The following NIPSNAP3B variants were observed in gnomAD, a reference collection of about 807,000 sequenced individuals.
NIPSNAP3B encodes the protein nipsnap homolog 3B, also known as protein NipSnap homolog 3B.
NIPSNAP3B carries 30 observed loss-of-function variants against 31.5 expected under a neutral mutation model. The observed-to-expected ratio is 0.95, with a 90% CI of 0.71 to 1.29. The LOEUF (loss-of-function observed/expected upper bound fraction) is 1.29. Ranked by LOEUF, NIPSNAP3B falls within the 50% of genes most tolerant of loss-of-function variation. The probability of loss-of-function intolerance (pLI) is 0.00; values close to 1 mark genes in which losing one functional copy is unlikely to be tolerated. For synonymous variants in NIPSNAP3B, 106 were observed against 107.9 expected (o/e 0.98, Z 0.11); for missense variants, 269 against 300.7 (o/e 0.89, Z 0.78).
At chr9:104,788,306 T>C in the NIPSNAP3B span, 4 of 1,227,840 alleles carry the variant, frequency 3.3e-6, no homozygotes, top group African/African-American at 1.5e-5. Context: ...AGAACCAGCA[T>C]TTTGTGCTGC....
At chr9:104,781,403 A>T (rs780222954), downstream of NIPSNAP3B, 5 of 149,768 alleles carry the variant, frequency 3.3e-5, no homozygotes, top group Non-Finnish European at 7.4e-5. Flanking sequence ...TTACATTATT[A>T]CTAGTAGATA....
Position 104,775,137 on chromosome 9 carries a change from T to A in NIPSNAP3B, c.*2064T>A, listed in dbSNP as rs553359083. On this transcript the variant is annotated 3_prime_UTR_variant, in exon 6 of 6. Transcript: ENST00000374762. ...TTCCTGTCTCCTGAAGCCACAGTAT[T>A]CCCCTTCAACTGGATTCTTCTCCTC... 6.6e-6 allele frequency among the ~76,000 whole-genome samples: 1 copy of A among 151,968 alleles called. No homozygotes were observed. The highest frequency in any genetic ancestry group is 1.5e-5 in the Non-Finnish European group (1 of 67,990).
the NIPSNAP3B span, chr9:104,788,588 A>G: frequency 8.7e-6 from 14 of 1,613,840 alleles, no homozygotes; most frequent in East Asian, 2.7e-4. Context: ...CAAGAAAACT[A>G]CTTAGATTTT....
the NIPSNAP3B span, chr9:104,786,151 C>A: frequency 1.4e-6 from 1 of 704,000 alleles, no homozygotes; most frequent in Non-Finnish European, 2.4e-6. Flanking sequence ...GAATGCAGTT[C>A]GGACTTCAAA....
the NIPSNAP3B span, chr9:104,786,811 G>T: frequency 2.2e-6 from 3 of 1,374,076 alleles, no homozygotes; most frequent in Non-Finnish European, 3.1e-6. Flanking sequence ...CAAAATGATC[G>T]CATATTCTAC....
chr9:104,767,843 C>T (rs962473913), intron 2 of NIPSNAP3B, among the ~76,000 whole-genome samples: 8 of 152,208 alleles, frequency 5.3e-5, no homozygotes, highest in South Asian at 2.1e-4. Flanking sequence ...TACTATTAGT[C>T]TTAGGAGGCC....
intron 4 of NIPSNAP3B, chr9:104,771,256 T>C (rs1025336144): frequency 6.3e-6 from 2 of 317,196 alleles, no homozygotes; most frequent in African/African-American, 4.2e-5. Flanking sequence ...CATGTGAAGA[T>C]TTGTTACTTA....
chr9:104,783,395 T>C, the NIPSNAP3B span: 1 of 152,246 alleles, frequency 6.6e-6, no homozygotes, highest in Non-Finnish European at 1.5e-5. Flanking sequence ...TGTACCATGT[T>C]AGCAGACAGT....
chr9:104,772,210 T>G (rs1032598613), intron 4 of NIPSNAP3B, among the ~76,000 whole-genome samples: 3 of 119,824 alleles, frequency 2.5e-5, no homozygotes, highest in Admixed American at 1.0e-4. Context: ...TTTTTTTTGT[T>G]TTTTTTTTTG....
At position 104,764,171 on chromosome 9, in the gene NIPSNAP3B, C is replaced by A; in HGVS notation, c.-70C>A. 1 of 1,456,070 alleles carries A rather than the reference C, an allele frequency of 6.9e-7. No homozygotes were observed. The allele number at this position is 1,456,070 out of a possible 1,614,324, so 90.2% of individuals were successfully genotyped here. ...GTGGTCCAGGAGCCGCTTTTTTCCA[C>A]TCGGGAAGACTTCAGAGAAGTCTCA... On this transcript the variant is annotated 5_prime_UTR_variant, in exon 1 of 6. Transcript: ENST00000374762.
chr9:104,781,584 T>A (rs545678117), downstream of NIPSNAP3B: 1 of 152,650 alleles, frequency 6.6e-6, no homozygotes, highest in Non-Finnish European at 1.5e-5. Context: ...CAACATTTAA[T>A]AGTCACAAAG....
chr9:104,768,858 C>T lies in NIPSNAP3B; in HGVS notation c.272-5C>T. 6.3e-7 allele frequency: 1 copy of T among 1,595,994 alleles called. No homozygotes were observed. The highest frequency in any genetic ancestry group is 8.5e-7 in the Non-Finnish European group (1 of 1,173,262). ...AACATTTTCTTAACTATTTTCCTCCCATAGATAATTTTGCTCATCGAGCTG... is the reference window on the plus strand; with the variant it reads ...AACATTTTCTTAACTATTTTCCTCCTATAGATAATTTTGCTCATCGAGCTG... On this transcript the variant is annotated splice_polypyrimidine_tract_variant and splice_region_variant and intron_variant, in intron 2 of 5. Transcript: ENST00000374762.
chr9:104,785,244 G>C, the NIPSNAP3B span: 2 of 994,808 alleles, frequency 2.0e-6, no homozygotes, highest in Non-Finnish European at 3.0e-6. Flanking sequence ...TTCAGGTTCA[G>C]AGAGGTTTAG....
the NIPSNAP3B span, among the ~76,000 whole-genome samples, chr9:104,789,344 T>C: frequency 6.6e-6 from 1 of 152,328 alleles, no homozygotes; most frequent in South Asian, 2.1e-4. Flanking sequence ...AGGAGCTTGG[T>C]ACTAGGAGCA....
In NIPSNAP3B at chr9:104,774,659, G is replaced by A. The variant is rs572045070; in HGVS notation, c.*1586G>A. ...TCTACGTTACCTTAAAGGCTTCCCC[G>A]GTTTAAGCAAAAATAGAATTATGTG... On this transcript the variant is annotated 3_prime_UTR_variant, in exon 6 of 6. Coordinates refer to ENST00000374762, the MANE Select transcript of NIPSNAP3B (RefSeq NM_018376.4). Among the ~76,000 whole-genome samples, 16 of 151,972 alleles carry A rather than the reference G, an allele frequency of 1.1e-4. No individual in the cohort carries two copies. Among genetic ancestry groups the A allele is most frequent in the South Asian group, 2.1e-4 (1 of 4,804 alleles).
At chr9:104,790,033 T>G in the NIPSNAP3B span, among the ~76,000 whole-genome samples, 1 of 151,216 alleles carries the variant, frequency 6.6e-6, no homozygotes, top group Non-Finnish European at 1.5e-5. Flanking sequence ...GAGGCGGAGG[T>G]TGCAGTGAGC....
chr9:104,772,956 C>G (rs562267988), intron 5 of NIPSNAP3B, 41 bp from the exon 6 acceptor site: 1 of 1,613,896 alleles, frequency 6.2e-7, no homozygotes, highest in Admixed American at 1.7e-5. Context: ...AAATGTGATT[C>G]AACCAATAAC....
In NIPSNAP3B at chr9:104,773,162, T is replaced by G; in HGVS notation, c.*89T>G. ...AATTCTCCCAAGAGGTTCTCGCTTT[T>G]ATTTGAAGGAGGTGGTAAGTTAATT... On this transcript the variant is annotated 3_prime_UTR_variant, in exon 6 of 6. Coordinates refer to ENST00000374762, the MANE Select transcript of NIPSNAP3B (RefSeq NM_018376.4). 3.8e-6 allele frequency: 5 copies of G among 1,303,718 alleles called. No individual in the cohort carries two copies. The highest frequency in any genetic ancestry group is 5.4e-6 in the Non-Finnish European group (5 of 921,166). 80.8% of individuals were successfully genotyped at this position (1,303,718 alleles called of 1,614,324 possible).
chr9:104,780,540 TTC>T (rs1554693785), downstream of NIPSNAP3B, among the ~76,000 whole-genome samples: 2 of 152,226 alleles, frequency 1.3e-5, no homozygotes, highest in African/African-American at 2.4e-5. Flanking sequence ...TTAGTATCAT[TTC>T]TGTTTCCATA....
Sources: allele counts gnomAD v4.1 joint callset (sites outside exome capture counted in the v4.1 genomes callset), GRCh38; gene constraint gnomAD v4.1.1; transcripts MANE v1.5; gene names NCBI Gene and HGNC (gene_info 2026-07-23, HGNC 2026-07-21).